The following HSPA12B variants were observed in gnomAD, a reference collection of about 807,000 sequenced individuals.
The protein encoded by HSPA12B is heat shock 70 kDa protein 12B.
Under a neutral mutation model 69.3 loss-of-function variants are expected in HSPA12B, and 54 were observed. That is an observed-to-expected ratio of 0.78 (90% confidence interval 0.63 to 0.98). The LOEUF is 0.98. Ranked by LOEUF, HSPA12B falls within the 50% of genes least tolerant of loss-of-function variation. The pLI, the probability that HSPA12B is intolerant of heterozygous loss-of-function variation, is 0.00. For missense variants in HSPA12B, 929 were observed against 999.8 expected (o/e 0.93, Z 0.96); for synonymous variants, 441 against 436.5 (o/e 1.01, Z -0.13).
At position 3,752,138 on chromosome 20, in the gene HSPA12B, G is replaced by A. The variant is rs999103703; in HGVS notation, c.2033G>A (p.Arg678His). The change falls in exon 13 of 13, where the codon CGC becomes CAC. Residue 678 changes from arginine (R) to histidine (H), a missense_variant. By Grantham distance (29) the Arg-to-His change is conservative. Transcript: ENST00000254963. ...AVDVSTNRSV[R>H]ASIDFLSN ...GACGTCAGCACCAATCGCTCCGTGCGCGCGTCCATCGACTTTCTTTCCAAC... is the reference window on the plus strand; with the variant it reads ...GACGTCAGCACCAATCGCTCCGTGCACGCGTCCATCGACTTTCTTTCCAAC... 2.7e-6 allele frequency: 4 copies of A among 1,467,196 alleles called. No homozygotes were observed. Among genetic ancestry groups the A allele is most frequent in the Non-Finnish European group, 3.6e-6 (4 of 1,116,784 alleles). The allele number at this position is 1,467,196 out of a possible 1,614,324, so 90.9% of individuals were successfully genotyped here. A position where few individuals can be genotyped will look rare whatever the true frequency, so the allele number is the denominator to read the frequency against.
chr20:3,745,445 G>C lies in HSPA12B; in HGVS notation c.454-48G>C, dbSNP rs1003976522. 2.2e-6 allele frequency: 3 copies of C among 1,342,834 alleles called. No individual in the cohort carries two copies. Among genetic ancestry groups the C allele is most frequent in the Admixed American group, 1.7e-5 (1 of 59,434 alleles). The allele number at this position is 1,342,834 out of a possible 1,614,324, so 83.2% of individuals were successfully genotyped here. A position where few individuals can be genotyped will look rare whatever the true frequency, so the allele number is the denominator to read the frequency against. ...TTTAAGAGCGAGGTCGTCAGGAAATGAGTGCCAAGCTGAGGCCTCCTGCAG... is the reference window on the plus strand; with the variant it reads ...TTTAAGAGCGAGGTCGTCAGGAAATCAGTGCCAAGCTGAGGCCTCCTGCAG... On this transcript the variant is annotated intron_variant, in intron 5 of 12. Transcript: ENST00000254963. This position sits in a 1 kb window ranked among gnomAD's most constrained non-coding sequence, Gnocchi z 5.6.
chr20:3,751,234 G>C, intron 12 of HSPA12B: 1 of 983,234 alleles, frequency 1.0e-6, no homozygotes, highest in Non-Finnish European at 1.2e-6. Flanking sequence ...ACAATGTCTA[G>C]GTGTTTAATA....
intron 1 of HSPA12B, among the ~76,000 whole-genome samples, chr20:3,735,482 T>C (rs570205270): frequency 2.0e-3 from 297 of 149,906 alleles, no homozygotes; most frequent in African/African-American, 7.2e-3. Flanking sequence ...TTTTTTTTCT[T>C]GAGATGGGGT....
Position 3,751,642 on chromosome 20 carries a change from C to A in HSPA12B, c.1537C>A (p.Pro513Thr). 6.6e-7 allele frequency: 1 copy of A among 1,526,144 alleles called. No homozygotes were observed. The highest frequency in any genetic ancestry group is 8.8e-7 in the Non-Finnish European group (1 of 1,140,864). The allele number at this position is 1,526,144 out of a possible 1,614,324, so 94.5% of individuals were successfully genotyped here. A position where few individuals can be genotyped will look rare whatever the true frequency, so the allele number is the denominator to read the frequency against. Residue 513 changes from proline to threonine, a missense_variant, in exon 13 of 13, where the codon CCG becomes ACG. By Grantham distance (38) the Pro-to-Thr change is conservative. Coordinates refer to ENST00000254963, the MANE Select transcript of HSPA12B (RefSeq NM_052970.5). ...CGCCCGCGGTCTGCGTGTCGTGGTC[C>A]CGCACGACGTGGGCCTCACCATCCT... ...LGARGLRVVV[P>T]HDVGLTILKG...
intron 1 of HSPA12B, among the ~76,000 whole-genome samples, chr20:3,736,338 C>G (rs1005487110): frequency 6.6e-6 from 1 of 152,232 alleles, no homozygotes; most frequent in African/African-American, 2.4e-5. Context: ...GCATCCAACT[C>G]CAATGGTACA....
rs3088007 is a variant in HSPA12B at position 3,752,840 on chromosome 20, G to T, written c.*674G>T. On this transcript the variant is annotated 3_prime_UTR_variant, in exon 13 of 13. Coordinates refer to ENST00000254963, the MANE Select transcript of HSPA12B (RefSeq NM_052970.5). The stretch of plus-strand genomic sequence containing the variant: ...CGAGACAAAACACCCGTCTGGGAAG[G>T]CCCCAAGGTCAGCTTATGAAGGACC... 34,258 of 153,652 alleles carry T rather than the reference G, an allele frequency of 0.22. 4,331 individuals carry two copies. The highest frequency in any genetic ancestry group is 0.29 in the Non-Finnish European group (19,747 of 67,982). 9.5% of individuals were successfully genotyped at this position (153,652 alleles called of 1,614,324 possible).
chr20:3,748,099 TG>T, intron 7 of HSPA12B, 117 bp from the exon 8 acceptor site: 1 of 904,182 alleles, frequency 1.1e-6, no homozygotes, highest in Non-Finnish European at 1.6e-6. Context: ...CTAACATGGG[TG>T]GGGTGTGATG....
rs2088190074 is a variant in HSPA12B, at chr20:3,740,933, A to G, written c.141+21A>G. 6.3e-7 allele frequency: 1 copy of G among 1,597,656 alleles called. No individual in the cohort carries two copies. Among genetic ancestry groups the G allele is most frequent in the African/African-American group, 1.3e-5 (1 of 74,556 alleles). ...CTCCAGTAAGCCCAGAGCAGGGACC[A>G]GGTGGTGGGTGACCTGGCTGGTGTG... On this transcript the variant is annotated intron_variant, in intron 3 of 12. Coordinates refer to ENST00000254963, the MANE Select transcript of HSPA12B (RefSeq NM_052970.5). The surrounding 1 kb of genome is among the most constrained non-coding windows in gnomAD (Gnocchi z 4.9).
Position 3,748,554 on chromosome 20 carries a change from G to A in HSPA12B, c.850+163G>A, listed in dbSNP as rs370087473. On this transcript the variant is annotated intron_variant, in intron 8 of 12. Transcript: ENST00000254963. ...TGGTGGAGCCTGTCTGAGGAAGGGA[G>A]GCACAGCCCTGCCCAAGGGCAACCT... Among the ~76,000 whole-genome samples the A allele has an allele frequency of 2.2e-4, 34 of 152,328 alleles. No homozygotes were observed. The East Asian group carries it at 5.8e-3, about 26-fold the overall frequency.
intron 1 of HSPA12B, among the ~76,000 whole-genome samples, chr20:3,735,622 C>T (rs143797174): frequency 0.019 from 2,946 of 152,024 alleles, 53 homozygotes; most frequent in African/African-American, 0.043. Flanking sequence ...TCTGCCACTA[C>T]GCTTGGCTAA....
Position 3,745,146 on chromosome 20 carries a change from A to C in HSPA12B, c.453+58A>C. 5 of 592,874 alleles carry C rather than the reference A, an allele frequency of 8.4e-6. No individual in the cohort carries two copies. The highest frequency in any genetic ancestry group is 9.3e-6 in the Non-Finnish European group (3 of 321,446). The allele number at this position is 592,874 out of a possible 1,614,324, so 36.7% of individuals were successfully genotyped here. A position where few individuals can be genotyped will look rare whatever the true frequency, so the allele number is the denominator to read the frequency against. ...GCCAGCATGGAAAAGGGCAGGGCTA[A>C]TGGGGGTGGGTGGGACAAAACCAAA... On this transcript the variant is annotated intron_variant, in intron 5 of 12. Transcript: ENST00000254963. The surrounding 1 kb of genome is among the most constrained non-coding windows in gnomAD (Gnocchi z 5.6).
chr20:3,738,843 T>C (rs78430889), intron 2 of HSPA12B, 126 bp downstream of exon 2: 1 of 124,912 alleles, frequency 8.0e-6, no homozygotes, highest in East Asian at 1.7e-4. Context: ...TGTGAGTGAG[T>C]GTGTGTGTGT....
intron 2 of HSPA12B, among the ~76,000 whole-genome samples, chr20:3,739,278 G>A (rs771386148): frequency 1.3e-5 from 2 of 151,798 alleles, no homozygotes; most frequent in East Asian, 1.9e-4. Flanking sequence ...ACAGGACCCC[G>A]TGTGAGTGCA....
chr20:3,741,048 A>C, intron 3 of HSPA12B, 136 bp downstream of exon 3: 1 of 655,390 alleles, frequency 1.5e-6, no homozygotes. Flanking sequence ...GTCCCCGTAC[A>C]CTCCAGTCAT....
rs1190281632 is a variant in HSPA12B, at chr20:3,737,984, C to T, written c.-17-674C>T. Among the ~76,000 whole-genome samples the T allele has an allele frequency of 6.6e-6, 1 of 152,190 alleles. No homozygotes were observed. Among genetic ancestry groups the T allele is most frequent in the Non-Finnish European group, 1.5e-5 (1 of 68,046 alleles). ...TGCCACTGCATTCCAGCCTGGGCAACAGAGTGAGACCCTGTCTCAGAAAAA... is the reference window on the plus strand; with the variant it reads ...TGCCACTGCATTCCAGCCTGGGCAATAGAGTGAGACCCTGTCTCAGAAAAA... On this transcript the variant is annotated intron_variant, in intron 1 of 12. Transcript: ENST00000254963. This position sits in a 1 kb window ranked among gnomAD's most constrained non-coding sequence, Gnocchi z 4.1.
Position 3,745,200 on chromosome 20 carries a change from T to A in HSPA12B, c.453+112T>A, listed in dbSNP as rs2088275977. On this transcript the variant is annotated intron_variant, in intron 5 of 12. Transcript: ENST00000254963. This position sits in a 1 kb window ranked among gnomAD's most constrained non-coding sequence, Gnocchi z 5.6. Reference sequence around the variant, plus strand: ...TGTGAGGACCGGCCCGATGGAGTCGTGGCTGAGAGGGGGCGGGGCTAAAGG... The same window carrying A: ...TGTGAGGACCGGCCCGATGGAGTCGAGGCTGAGAGGGGGCGGGGCTAAAGG... The A allele has an allele frequency of 4.0e-6, 4 of 999,490 alleles. No individual in the cohort carries two copies. Among genetic ancestry groups the A allele is most frequent in the Non-Finnish European group, 5.9e-6 (4 of 674,780 alleles). The allele number at this position is 999,490 out of a possible 1,614,324, so 61.9% of individuals were successfully genotyped here.
intron 4 of HSPA12B, among the ~76,000 whole-genome samples, chr20:3,743,564 A>G (rs1294901799): frequency 1.3e-5 from 2 of 152,150 alleles, no homozygotes; most frequent in Non-Finnish European, 2.9e-5. Flanking sequence ...TTTTTTAAGT[A>G]AAAGTGAGAT....
Position 3,751,944 on chromosome 20 carries a change from A to G in HSPA12B, c.1839A>G (p.Ala613=), listed in dbSNP as rs959726958. ...RVLINLYCCA[A]EDARFITDPG... is the part of the protein sequence containing the mutation. ...TCATCAACCTGTACTGCTGCGCGGCAGAGGATGCGCGCTTCATCACCGACC... is the reference window on the plus strand; with the variant it reads ...TCATCAACCTGTACTGCTGCGCGGCGGAGGATGCGCGCTTCATCACCGACC... Residue 613 remains alanine, a synonymous_variant, in exon 13 of 13, where the codon GCA becomes GCG. Coordinates refer to ENST00000254963, the MANE Select transcript of HSPA12B (RefSeq NM_052970.5). The G allele has an allele frequency of 5.7e-6, 9 of 1,586,408 alleles. No homozygotes were observed. Among genetic ancestry groups the G allele is most frequent in the South Asian group, 2.3e-5 (2 of 88,706 alleles).
At chr20:3,743,242 G>A (rs2088238812) in intron 4 of HSPA12B, among the ~76,000 whole-genome samples, 1 of 148,584 alleles carries the variant, frequency 6.7e-6, no homozygotes, top group African/African-American at 2.5e-5. Flanking sequence ...GGAGTGCAGT[G>A]GTGTGATCAT....
Sources: allele counts gnomAD v4.1 joint callset (sites outside exome capture counted in the v4.1 genomes callset), GRCh38; gene constraint gnomAD v4.1.1; non-coding constraint Gnocchi (gnomAD v3.1); transcripts MANE v1.5; gene names NCBI Gene and HGNC (gene_info 2026-07-23, HGNC 2026-07-21).